The following SESN1 variants were observed in gnomAD, a reference collection of about 807,000 sequenced individuals.
SESN1 encodes the protein sestrin 1.
Under a neutral mutation model 59.3 loss-of-function variants are expected in SESN1, and 30 were observed. The ratio of observed to expected loss-of-function variants is 0.51; its 90% CI spans 0.38 to 0.69. The LOEUF (loss-of-function observed/expected upper bound fraction) is 0.69. SESN1 is among the 30% of genes least tolerant of loss of function. The pLI is 0.00. For synonymous variants in SESN1, 197 were observed against 219.9 expected (o/e 0.90, Z 0.92); for missense variants, 566 against 673.0 (o/e 0.84, Z 1.76).
At chr6:108,997,186 G>C (rs1317330920) in intron 5 of SESN1, among the ~76,000 whole-genome samples, 2 of 152,266 alleles carry the variant, frequency 1.3e-5, no homozygotes, top group Non-Finnish European at 1.5e-5. Context: ...ACTTACCTGG[G>C]AATAGGAAGC....
At chr6:109,078,844 G>A (rs1554267122) in intron 1 of SESN1, among the ~76,000 whole-genome samples, 1 of 151,222 alleles carries the variant, frequency 6.6e-6, no homozygotes, top group Admixed American at 6.6e-5. Context: ...TGGGATTCAG[G>A]AAAAAAAATA....
chr6:109,054,392 T>A (rs375521823), intron 1 of SESN1, among the ~76,000 whole-genome samples: 124 of 152,286 alleles, frequency 8.1e-4, no homozygotes, highest in African/African-American at 2.9e-3. Context: ...TATACTCGAT[T>A]TTTTATAATC....
intron 1 of SESN1, among the ~76,000 whole-genome samples, chr6:109,066,626 T>C (rs1330308105): frequency 1.3e-5 from 2 of 152,170 alleles, no homozygotes; most frequent in Non-Finnish European, 2.9e-5. Flanking sequence ...TCTTCTGTTT[T>C]CAAGTATGTG....
chr6:109,012,911 C>T (rs752402416), intron 1 of SESN1, among the ~76,000 whole-genome samples: 1 of 151,954 alleles, frequency 6.6e-6, no homozygotes, highest in Non-Finnish European at 1.5e-5. Context: ...GTCAGGAGCT[C>T]GAAACCATCC....
At chr6:109,087,157 T>A (rs867539339) in intron 1 of SESN1, among the ~76,000 whole-genome samples, 17 of 151,848 alleles carry the variant, frequency 1.1e-4, no homozygotes, top group Admixed American at 3.3e-4. Flanking sequence ...CAAAAATAAA[T>A]AAAATAAAAT....
intron 1 of SESN1, among the ~76,000 whole-genome samples, chr6:109,005,002 G>C (rs1304142305): frequency 6.6e-6 from 1 of 152,148 alleles, no homozygotes; most frequent in Non-Finnish European, 1.5e-5. Context: ...CAACCGCTAG[G>C]AAGGGCAATT....
intron 1 of SESN1, among the ~76,000 whole-genome samples, chr6:109,057,619 C>T (rs1389149542): frequency 6.6e-6 from 1 of 152,192 alleles, no homozygotes; most frequent in Middle Eastern, 3.2e-3. Flanking sequence ...TCTTCTGGAA[C>T]CCAGTTGTTC....
chr6:109,084,055 T>G (rs1336158422), intron 1 of SESN1, among the ~76,000 whole-genome samples: 1 of 152,192 alleles, frequency 6.6e-6, no homozygotes, highest in Non-Finnish European at 1.5e-5. Context: ...AAGTAAAAAT[T>G]ATCCTACCCA....
intron 1 of SESN1, among the ~76,000 whole-genome samples, chr6:109,052,137 A>G (rs1360057858): frequency 6.6e-6 from 1 of 152,228 alleles, no homozygotes; most frequent in Non-Finnish European, 1.5e-5. Flanking sequence ...CAAATACATC[A>G]AAATGAAAAT....
intron 1 of SESN1, among the ~76,000 whole-genome samples, chr6:109,040,298 T>C (rs1469606175): frequency 6.6e-6 from 1 of 152,006 alleles, no homozygotes; most frequent in Non-Finnish European, 1.5e-5. Flanking sequence ...AATACACCTT[T>C]TTGAACAAAT....
chr6:108,998,657 G>C lies in SESN1; in HGVS notation c.828C>G (p.Phe276Leu). Residue 276 changes from phenylalanine to leucine, a missense_variant, in exon 5 of 10, where the codon TTC becomes TTG. Coordinates refer to ENST00000436639, the MANE Select transcript of SESN1 (RefSeq NM_014454.3). ...THYHSLASFTFGCGISPEIHC... is the reference protein window; with the variant it reads ...THYHSLASFTLGCGISPEIHC... ...GAATTTCTGGACTGATTCCACAGCC[G>C]AATGTGAATGAGGCAAGAGAATGAT... 3 of 1,613,824 alleles carry C rather than the reference G, an allele frequency of 1.9e-6. No homozygotes were observed. The highest frequency in any genetic ancestry group is 1.7e-6 in the Non-Finnish European group (2 of 1,179,806).
At chr6:109,019,900 C>G (rs1218263551) in intron 1 of SESN1, among the ~76,000 whole-genome samples, 3 of 152,118 alleles carry the variant, frequency 2.0e-5, no homozygotes. Flanking sequence ...CATAAATACG[C>G]ATTAAAATGT....
In SESN1 at chr6:109,087,086, G is replaced by A. The variant is rs1970604; in HGVS notation, c.279+6709C>T. 5.9e-3 allele frequency among the ~76,000 whole-genome samples: 893 copies of A among 152,242 alleles called. 6 individuals are homozygous for A. The highest frequency in any genetic ancestry group is 0.017 in the Middle Eastern group (5 of 294). Reference sequence around the variant, plus strand: ...GCAGAGGTTGCAGTGAGCCAAGATCGTGCCACTGCACTACAGCCTGGGCGA... The same window carrying A: ...GCAGAGGTTGCAGTGAGCCAAGATCATGCCACTGCACTACAGCCTGGGCGA... On this transcript the variant is annotated intron_variant, in intron 1 of 9. Transcript: ENST00000436639.
At chr6:109,087,060 G>A (rs1235143204) in intron 1 of SESN1, among the ~76,000 whole-genome samples, 1 of 152,154 alleles carries the variant, frequency 6.6e-6, no homozygotes, top group Admixed American at 6.5e-5. Flanking sequence ...TGACCCGGGA[G>A]GCAGAGGTTG....
At chr6:109,003,085 A>G (rs561102566) in intron 1 of SESN1, among the ~76,000 whole-genome samples, 1 of 152,170 alleles carries the variant, frequency 6.6e-6, no homozygotes, top group Non-Finnish European at 1.5e-5. Flanking sequence ...CAAGAACTGA[A>G]AATCTGTTAG....
chr6:109,008,896 CTT>C (rs916448601), intron 1 of SESN1: 1 of 986,446 alleles, frequency 1.0e-6, no homozygotes, highest in African/African-American at 1.7e-5. Flanking sequence ...CTTTCTCTCT[CTT>C]TTAAGTAGGA....
rs891843422 is a variant in SESN1, at chr6:108,986,727, C to T, written c.*817G>A. On this transcript the variant is annotated 3_prime_UTR_variant, in exon 10 of 10. Transcript: ENST00000436639. ...GCGCAGCAGTCTACAGCAACATGTC[C>T]CACAACTTTGGTGCTGGAAACACAA... 3 of 152,204 alleles carry T rather than the reference C, an allele frequency of 2.0e-5. No individual in the cohort carries two copies. Among genetic ancestry groups the T allele is most frequent in the African/African-American group, 7.2e-5 (3 of 41,440 alleles). 9.4% of individuals were successfully genotyped at this position (152,204 alleles called of 1,614,324 possible). A position where few individuals can be genotyped will look rare whatever the true frequency, so the allele number is the denominator to read the frequency against.
intron 1 of SESN1, among the ~76,000 whole-genome samples, chr6:109,033,601 T>A (rs1339644578): frequency 6.6e-6 from 1 of 152,140 alleles, no homozygotes; most frequent in African/African-American, 2.4e-5. Context: ...AAAAATGAGA[T>A]CTAGATTGCA....
At chr6:109,090,587 A>C (rs532426630) in intron 1 of SESN1, 1 of 152,356 alleles carries the variant, frequency 6.6e-6, no homozygotes, top group South Asian at 2.1e-4. Flanking sequence ...AAGAGATCAT[A>C]TATTTACCAT....
Sources: allele counts gnomAD v4.1 joint callset (sites outside exome capture counted in the v4.1 genomes callset), GRCh38; gene constraint gnomAD v4.1.1; transcripts MANE v1.5; gene names NCBI Gene and HGNC (gene_info 2026-07-23, HGNC 2026-07-21).